Variants in TENM2 observed in about 807,000 individuals in gnomAD.
TENM2 encodes teneurin-2.
TENM2 carries 52 observed loss-of-function variants against 245.2 expected under a neutral mutation model. That is an observed-to-expected ratio of 0.21 (90% confidence interval 0.17 to 0.27). The LOEUF is 0.27. Ranked by LOEUF, TENM2 falls within the 10% of genes least tolerant of loss-of-function variation. TENM2 has a pLI of 1.00. For synonymous variants in TENM2, 1,363 were observed against 1,438.9 expected (o/e 0.95, Z 1.19); for missense variants, 3,046 against 3,666.8 (o/e 0.83, Z 4.37).
At chr5:167,358,051 G>A (rs1176417013) in intron 1 of TENM2, among the ~76,000 whole-genome samples, 1 of 152,158 alleles carries the variant, frequency 6.6e-6, no homozygotes, top group Non-Finnish European at 1.5e-5. Context: ...CTACCTGCCT[G>A]TCTCCTAAAT....
the TENM2 span, among the ~76,000 whole-genome samples, chr5:167,224,938 TAAG>T: frequency 6.6e-6 from 1 of 152,020 alleles, no homozygotes; most frequent in African/African-American, 2.4e-5. Flanking sequence ...AATTTATTCC[TAAG>T]TATTTTATTA....
chr5:168,023,026 C>A (rs541501276), intron 5 of TENM2, among the ~76,000 whole-genome samples: 4 of 152,292 alleles, frequency 2.6e-5, no homozygotes, highest in African/African-American at 7.2e-5. Flanking sequence ...GCTTGGCCAC[C>A]ACAGCTCGGG....
At chr5:167,429,507 C>T (rs1764074313) in intron 2 of TENM2, among the ~76,000 whole-genome samples, 1 of 151,476 alleles carries the variant, frequency 6.6e-6, no homozygotes, top group South Asian at 2.1e-4. Context: ...GACAAAAGCA[C>T]AAGTGAGGAC....
intron 3 of TENM2, among the ~76,000 whole-genome samples, chr5:167,931,864 C>T (rs764931973): frequency 1.3e-5 from 2 of 152,152 alleles, no homozygotes; most frequent in Admixed American, 6.5e-5. Flanking sequence ...CTACTTCTGC[C>T]GTTGCAGAGA....
At chr5:167,784,533 G>A (rs745330521) in intron 2 of TENM2, among the ~76,000 whole-genome samples, 17 of 152,152 alleles carry the variant, frequency 1.1e-4, no homozygotes, top group East Asian at 1.9e-4. Context: ...ACATACAGGC[G>A]TAAGCGGAAA....
intron 2 of TENM2, among the ~76,000 whole-genome samples, chr5:167,537,406 GT>G (rs1413363037): frequency 1.3e-5 from 2 of 152,166 alleles, no homozygotes; most frequent in Non-Finnish European, 2.9e-5. Context: ...TCCTCATCAT[GT>G]TTCAGTGTCT....
intron 2 of TENM2, among the ~76,000 whole-genome samples, chr5:167,460,072 A>G (rs1398869477): frequency 6.6e-6 from 1 of 152,140 alleles, no homozygotes; most frequent in Non-Finnish European, 1.5e-5. Flanking sequence ...AAGCATTTCA[A>G]TTTTGAAAGA....
At chr5:167,184,858 C>T in the TENM2 span, among the ~76,000 whole-genome samples, 1 of 152,202 alleles carries the variant, frequency 6.6e-6, no homozygotes, top group Non-Finnish European at 1.5e-5. Flanking sequence ...GAATTCTATT[C>T]TTAGTCTTTA....
chr5:167,678,597 C>G (rs1262350519), intron 2 of TENM2, among the ~76,000 whole-genome samples: 1 of 152,130 alleles, frequency 6.6e-6, no homozygotes, highest in Non-Finnish European at 1.5e-5. Context: ...TAGACTGCAT[C>G]TCATTTGAGG....
intron 7 of TENM2, among the ~76,000 whole-genome samples, chr5:168,066,759 G>C (rs1414617344): frequency 6.6e-6 from 1 of 152,216 alleles, no homozygotes. Context: ...GGGATGGTAT[G>C]TGTACAGTGG....
chr5:167,733,942 T>G (rs372718935), intron 2 of TENM2, among the ~76,000 whole-genome samples: 1 of 152,190 alleles, frequency 6.6e-6, no homozygotes, highest in Non-Finnish European at 1.5e-5. Flanking sequence ...AGTTCAGAGA[T>G]AGAAACTTAC....
At chr5:167,285,958 A>G (rs1415341035) in intron 1 of TENM2, among the ~76,000 whole-genome samples, 1 of 152,246 alleles carries the variant, frequency 6.6e-6, no homozygotes, top group East Asian at 1.9e-4. Context: ...AAATGTTGCA[A>G]TGGGTTTAAT....
At chr5:168,096,869 GTAA>G (rs33965971) in intron 8 of TENM2, among the ~76,000 whole-genome samples, 3 of 151,698 alleles carry the variant, frequency 2.0e-5, no homozygotes, top group Non-Finnish European at 2.9e-5. Flanking sequence ...TAGGATTATG[GTAA>G]TAATTTTTAA....
intron 12 of TENM2, among the ~76,000 whole-genome samples, chr5:168,130,748 G>GC (rs1264570612): frequency 1.3e-5 from 2 of 152,094 alleles, no homozygotes; most frequent in East Asian, 3.9e-4. Flanking sequence ...AATTAGCTGG[G>GC]CATGGTGGTA....
chr5:167,345,134 C>T (rs1052415372), intron 1 of TENM2, among the ~76,000 whole-genome samples: 4 of 152,176 alleles, frequency 2.6e-5, no homozygotes, highest in African/African-American at 4.8e-5. Context: ...TGGCTTTGCA[C>T]TCAATTATTC....
the TENM2 span, among the ~76,000 whole-genome samples, chr5:167,177,354 G>A: frequency 2.0e-5 from 3 of 152,272 alleles, no homozygotes; most frequent in East Asian, 5.8e-4. Flanking sequence ...CTTTAAAGAT[G>A]TCCTGTGACA....
At chr5:167,637,420 G>T (rs1032849977) in intron 2 of TENM2, among the ~76,000 whole-genome samples, 1 of 152,044 alleles carries the variant, frequency 6.6e-6, no homozygotes, top group African/African-American at 2.4e-5. Context: ...TGCAAAGTAA[G>T]TATAAAAAAA....
chr5:167,399,027 A>C (rs1895265), intron 2 of TENM2, among the ~76,000 whole-genome samples: 85,916 of 151,980 alleles, frequency 0.57, 24,934 homozygotes, highest in African/African-American at 0.7. Context: ...CCTGCTCTTG[A>C]ATCGATCCGA....
chr5:167,640,842 C>CATATATATATATATCCATATATAT lies in TENM2; in HGVS notation c.503-235130_503-235129insCCATATATATATATATATATATAT, dbSNP rs1561628529. On this transcript the variant is annotated intron_variant, in intron 2 of 28. Transcript: ENST00000518659. The stretch of plus-strand genomic sequence containing the variant: ...AAATAGAAATAGAAATATATATATC[C>CATATATATATATATCCATATATAT]ATATATATATATATATCCATATATA... Among the ~76,000 whole-genome samples, 160 of 75,452 alleles carry CATATATATATATATCCATATATAT rather than the reference C, an allele frequency of 2.1e-3. 13 individuals are homozygous for CATATATATATATATCCATATATAT. The highest frequency in any genetic ancestry group is 3.8e-3 in the Non-Finnish European group (133 of 35,054). 49.5% of individuals were successfully genotyped at this position (75,452 alleles called of 152,430 possible).
Sources: allele counts gnomAD v4.1 joint callset (sites outside exome capture counted in the v4.1 genomes callset), GRCh38; gene constraint gnomAD v4.1.1; transcripts MANE v1.5; gene names NCBI Gene and HGNC (gene_info 2026-07-23, HGNC 2026-07-21).